Variants in RABGAP1L observed in about 807,000 individuals in gnomAD.
RABGAP1L encodes rab GTPase-activating protein 1-like.
In RABGAP1L, 63 loss-of-function variants were observed where a neutral mutation model predicts 137.7. The ratio of observed to expected loss-of-function variants is 0.46; its 90% CI spans 0.37 to 0.56. The LOEUF is 0.56. Ranked by LOEUF, RABGAP1L falls within the 20% of genes least tolerant of loss-of-function variation. The pLI is 0.00. For missense variants in RABGAP1L, 1,095 were observed against 1,244.0 expected (o/e 0.88, Z 1.80); for synonymous variants, 431 against 433.7 (o/e 0.99, Z 0.08).
At chr1:174,255,840 C>T (rs1322731384) in intron 7 of RABGAP1L, among the ~76,000 whole-genome samples, 1 of 152,056 alleles carries the variant, frequency 6.6e-6, no homozygotes, top group Non-Finnish European at 1.5e-5. Flanking sequence ...CTCTCTTTCT[C>T]TTCTCCCTGC....
rs904031683 is a variant in RABGAP1L, at chr1:174,376,860, C to G, written c.1559+5788C>G. ...TAGAGGTCTTAGCAAGTGTAACAGGCAAGAAAAAGAAATAAAAGGCAAACA... is the reference window on the plus strand; with the variant it reads ...TAGAGGTCTTAGCAAGTGTAACAGGGAAGAAAAAGAAATAAAAGGCAAACA... On this transcript the variant is annotated intron_variant, in intron 12 of 25. Coordinates refer to ENST00000681986, the MANE Select transcript of RABGAP1L (RefSeq NM_001366446.1). Among the ~76,000 whole-genome samples, 8 of 151,812 alleles carry G rather than the reference C, an allele frequency of 5.3e-5. 1 individual carries two copies. The highest frequency in any genetic ancestry group is 5.3e-4 in the Admixed American group (8 of 15,220).
At chr1:174,405,412 C>T (rs1193251475) in intron 13 of RABGAP1L, among the ~76,000 whole-genome samples, 4 of 152,072 alleles carry the variant, frequency 2.6e-5, no homozygotes, top group Admixed American at 2.0e-4. Flanking sequence ...TCTGTCATCA[C>T]CTTGTCTAGG....
chr1:174,415,757 A>G (rs757722685), intron 13 of RABGAP1L, among the ~76,000 whole-genome samples: 4 of 151,920 alleles, frequency 2.6e-5, no homozygotes, highest in Non-Finnish European at 5.9e-5. Flanking sequence ...CCATTTCTTC[A>G]TAGAGATTCT....
chr1:174,683,697 G>T, intron 15 of RABGAP1L, 101 bp downstream of exon 15: 1 of 848,604 alleles, frequency 1.2e-6, no homozygotes, highest in South Asian at 1.7e-5. Flanking sequence ...ATCTGATGGA[G>T]ATTACATATG....
chr1:174,313,827 CCATCCCTG>C (rs1443219472), intron 11 of RABGAP1L, among the ~76,000 whole-genome samples: 5 of 152,078 alleles, frequency 3.3e-5, no homozygotes, highest in Non-Finnish European at 2.9e-5. Context: ...TAGATTTGAA[CCATCCCTG>C]CATCCCAGGG....
chr1:174,350,107 C>T (rs1682977141), intron 11 of RABGAP1L, among the ~76,000 whole-genome samples: 1 of 140,904 alleles, frequency 7.1e-6, no homozygotes, highest in Non-Finnish European at 1.6e-5. Context: ...CCACCTCCCT[C>T]CCGGACGGCA....
chr1:174,673,667 A>G (rs1677354350), intron 14 of RABGAP1L, among the ~76,000 whole-genome samples: 1 of 152,188 alleles, frequency 6.6e-6, no homozygotes, highest in Non-Finnish European at 1.5e-5. Flanking sequence ...ACATAACCAG[A>G]GATACATGGT....
At chr1:174,950,878 A>C (rs780043370) in intron 19 of RABGAP1L, among the ~76,000 whole-genome samples, 4 of 152,172 alleles carry the variant, frequency 2.6e-5, no homozygotes, top group Non-Finnish European at 5.9e-5. Flanking sequence ...AAAAAAGAAA[A>C]ACACAGTGAT....
chr1:174,368,990 A>T (rs1420331211), intron 11 of RABGAP1L, among the ~76,000 whole-genome samples: 1 of 152,242 alleles, frequency 6.6e-6, no homozygotes, highest in South Asian at 2.1e-4. Flanking sequence ...CTAATTTGGC[A>T]TGTACAACAT....
At chr1:174,635,161 T>C (rs1194377441) in intron 13 of RABGAP1L, among the ~76,000 whole-genome samples, 1 of 152,188 alleles carries the variant, frequency 6.6e-6, no homozygotes, top group Non-Finnish European at 1.5e-5. Flanking sequence ...TGAATCAGAC[T>C]ATTGGAACCA....
chr1:174,767,175 C>A (rs568807962), intron 18 of RABGAP1L, among the ~76,000 whole-genome samples: 3 of 152,282 alleles, frequency 2.0e-5, no homozygotes, highest in Non-Finnish European at 4.4e-5. Context: ...TGTTCTCCGA[C>A]CACCTTGGGC....
chr1:174,896,149 A>G lies in RABGAP1L; in HGVS notation c.2341-61308A>G, dbSNP rs1468916051. On this transcript the variant is annotated intron_variant, in intron 19 of 25. Coordinates refer to ENST00000681986, the MANE Select transcript of RABGAP1L (RefSeq NM_001366446.1). ...TGATCGCCATTCTAACTGGTGTGAG[A>G]TGGTATCTCATTGTGGTTTTGGTTT... Among the ~76,000 whole-genome samples the G allele has an allele frequency of 3.9e-5, 6 of 152,270 alleles. No homozygotes were observed. The South Asian group carries it at 1.2e-3, about 32-fold the overall frequency.
intron 19 of RABGAP1L, among the ~76,000 whole-genome samples, chr1:174,827,505 G>C (rs983165562): frequency 8.2e-6 from 1 of 122,210 alleles, no homozygotes; most frequent in African/African-American, 2.8e-5. Flanking sequence ...TAGTAACTGA[G>C]TGCGCATTTC....
At chr1:174,787,371 C>T (rs1276477984) in intron 18 of RABGAP1L, among the ~76,000 whole-genome samples, 2 of 145,830 alleles carry the variant, frequency 1.4e-5, no homozygotes, top group Non-Finnish European at 3.0e-5. Context: ...CCATTGCACT[C>T]TGGCCTGGGT....
chr1:174,636,960 A>G (rs1674098233), intron 13 of RABGAP1L, among the ~76,000 whole-genome samples: 1 of 152,222 alleles, frequency 6.6e-6, no homozygotes, highest in Non-Finnish European at 1.5e-5. Context: ...AAATTATGAT[A>G]TATCTATATC....
chr1:174,210,220 C>G (rs1220442173), intron 1 of RABGAP1L, among the ~76,000 whole-genome samples: 1 of 152,130 alleles, frequency 6.6e-6, no homozygotes, highest in Non-Finnish European at 1.5e-5. Context: ...AGCATCAAGA[C>G]CATTCAGGAA....
chr1:174,638,297 C>T (rs1390694537), intron 14 of RABGAP1L, among the ~76,000 whole-genome samples: 1 of 152,134 alleles, frequency 6.6e-6, no homozygotes, highest in Non-Finnish European at 1.5e-5. Flanking sequence ...AAATATTAGC[C>T]AGTGTGGAAT....
intron 19 of RABGAP1L, among the ~76,000 whole-genome samples, chr1:174,923,138 C>A (rs573782277): frequency 6.1e-4 from 83 of 136,716 alleles, no homozygotes; most frequent in African/African-American, 2.4e-3. Context: ...AGAACAAGAC[C>A]CTATCTCAGA....
At chr1:174,538,848 G>A (rs909412593) in intron 13 of RABGAP1L, among the ~76,000 whole-genome samples, 3 of 152,030 alleles carry the variant, frequency 2.0e-5, no homozygotes, top group Admixed American at 1.3e-4. Context: ...ATATGTAATC[G>A]TTCATGTTTA....
Sources: allele counts gnomAD v4.1 joint callset (sites outside exome capture counted in the v4.1 genomes callset), GRCh38; gene constraint gnomAD v4.1.1; transcripts MANE v1.5; gene names NCBI Gene and HGNC (gene_info 2026-07-23, HGNC 2026-07-21).